TRHDE: variants seen among roughly 807,000 people sequenced by gnomAD.
The protein encoded by TRHDE is thyrotropin releasing hormone degrading enzyme.
TRHDE carries 72 observed loss-of-function variants against 125.7 expected under a neutral mutation model. The ratio of observed to expected loss-of-function variants is 0.57; its 90% CI spans 0.47 to 0.70. The LOEUF (loss-of-function observed/expected upper bound fraction) is 0.70. Ranked by LOEUF, TRHDE falls within the 30% of genes least tolerant of loss-of-function variation. TRHDE has a pLI of 0.00. For missense variants in TRHDE, 1,110 were observed against 1,327.1 expected, an observed-to-expected ratio of 0.84 and a Z score of 2.54; for synonymous variants, 509 against 509.1, an observed-to-expected ratio of 1.00 and a Z score of 0.00.
intron 3 of TRHDE, among the ~76,000 whole-genome samples, chr12:72,381,644 C>T (rs1333176896): frequency 6.6e-6 from 1 of 152,106 alleles, no homozygotes; most frequent in Non-Finnish European, 1.5e-5. Flanking sequence ...GATCCGCCCG[C>T]CTCGGCCTCC....
At chr12:72,279,602 T>G (rs977838975) in intron 1 of TRHDE, among the ~76,000 whole-genome samples, 2 of 152,216 alleles carry the variant, frequency 1.3e-5, no homozygotes, top group African/African-American at 4.8e-5. Context: ...CTTCCTGCTT[T>G]TTCCAGTTTC....
chr12:72,548,297 A>G (rs917850221), intron 7 of TRHDE, among the ~76,000 whole-genome samples: 9 of 151,736 alleles, frequency 5.9e-5, no homozygotes, highest in African/African-American at 2.2e-4. Flanking sequence ...CTTCTCCTAT[A>G]AATAAATATT....
chr12:72,244,921 A>G (rs1878546815), intron 2 of TRHDE, among the ~76,000 whole-genome samples: 1 of 152,134 alleles, frequency 6.6e-6, no homozygotes, highest in African/African-American at 2.4e-5. Context: ...AATACACAAA[A>G]AATTTACATC....
chr12:72,627,926 TC>T (rs1873329813), intron 15 of TRHDE, among the ~76,000 whole-genome samples: 1 of 151,686 alleles, frequency 6.6e-6, no homozygotes, highest in African/African-American at 2.4e-5. Flanking sequence ...CAAGCAATCC[TC>T]CTGCCTTAGT....
chr12:72,546,407 C>A (rs1333412516), intron 7 of TRHDE, among the ~76,000 whole-genome samples: 1 of 151,576 alleles, frequency 6.6e-6, no homozygotes, highest in Admixed American at 6.6e-5. Flanking sequence ...TTGTAATTCT[C>A]TATTCTGTTA....
intron 2 of TRHDE, among the ~76,000 whole-genome samples, chr12:72,238,793 T>C (rs544951889): frequency 5.9e-5 from 9 of 152,200 alleles, no homozygotes; most frequent in African/African-American, 1.2e-4. Flanking sequence ...AAGTCTATCA[T>C]TGATGGGCAT....
chr12:72,319,254 T>G (rs1372884758), intron 2 of TRHDE, among the ~76,000 whole-genome samples: 1 of 152,104 alleles, frequency 6.6e-6, no homozygotes, highest in African/African-American at 2.4e-5. Flanking sequence ...GCCAGCTGTT[T>G]AGGTGAAAAG....
chr12:72,482,735 A>G (rs1877229428), intron 5 of TRHDE, among the ~76,000 whole-genome samples: 2 of 151,980 alleles, frequency 1.3e-5, no homozygotes, highest in Admixed American at 1.3e-4. Flanking sequence ...AGACAAGTTT[A>G]GATCGATTGC....
intron 2 of TRHDE, among the ~76,000 whole-genome samples, chr12:72,303,406 T>G (rs935890183): frequency 7.2e-5 from 11 of 152,130 alleles, no homozygotes; most frequent in Non-Finnish European, 1.5e-4. Context: ...ACTGTTTTAC[T>G]GATGTTCATT....
intron 2 of TRHDE, among the ~76,000 whole-genome samples, chr12:72,339,050 T>C (rs1463550068): frequency 6.6e-6 from 1 of 152,176 alleles, no homozygotes; most frequent in Non-Finnish European, 1.5e-5. Context: ...ATGTGTTGAA[T>C]ATTGTGATTT....
At chr12:72,105,179 ACAAG>A (rs1875156427) in intron 1 of TRHDE, among the ~76,000 whole-genome samples, 1 of 152,198 alleles carries the variant, frequency 6.6e-6, no homozygotes, top group African/African-American at 2.4e-5. Context: ...CAGCAGCAGT[ACAAG>A]GAAGTACATG....
intron 3 of TRHDE, among the ~76,000 whole-genome samples, chr12:72,398,298 G>C (rs918067761): frequency 6.6e-6 from 1 of 152,032 alleles, no homozygotes; most frequent in Non-Finnish European, 1.5e-5. Context: ...AAACATACGT[G>C]TGCATGTGTC....
At chr12:72,559,888 C>G (rs545632439) in intron 7 of TRHDE, among the ~76,000 whole-genome samples, 1 of 152,280 alleles carries the variant, frequency 6.6e-6, no homozygotes, top group East Asian at 1.9e-4. Flanking sequence ...TCTCCCTACA[C>G]AAATCACATC....
At chr12:72,119,568 C>T (rs946334641) in intron 2 of TRHDE, among the ~76,000 whole-genome samples, 6 of 152,044 alleles carry the variant, frequency 3.9e-5, no homozygotes, top group South Asian at 2.1e-4. Context: ...TTTATAGTGC[C>T]GATTAAGTCC....
intron 3 of TRHDE, among the ~76,000 whole-genome samples, chr12:72,388,155 CCCTCAGCCT>C (rs1211296770): frequency 2.0e-5 from 3 of 152,160 alleles, no homozygotes; most frequent in African/African-American, 7.2e-5. Flanking sequence ...TCTTGTTCTT[CCCTCAGCCT>C]AAAACATTTT....
At chr12:72,239,891 C>A (rs986345118) in intron 2 of TRHDE, among the ~76,000 whole-genome samples, 1 of 152,060 alleles carries the variant, frequency 6.6e-6, no homozygotes, top group African/African-American at 2.4e-5. Context: ...AGAAAATGAA[C>A]TTTGTCTGTC....
chr12:72,282,606 C>G (rs969390693), intron 1 of TRHDE, among the ~76,000 whole-genome samples: 2 of 152,202 alleles, frequency 1.3e-5, no homozygotes, highest in Non-Finnish European at 2.9e-5. Flanking sequence ...ACTTGAAATA[C>G]TGAGATCTGA....
chr12:72,259,921 G>C (rs998009947), intron 2 of TRHDE, among the ~76,000 whole-genome samples: 1 of 152,178 alleles, frequency 6.6e-6, no homozygotes, highest in Admixed American at 6.6e-5. Flanking sequence ...GGCTATTTAG[G>C]CATCATGTAA....
intron 12 of TRHDE, among the ~76,000 whole-genome samples, chr12:72,594,502 GTT>G (rs11446527): frequency 4.4e-5 from 6 of 136,004 alleles, no homozygotes; most frequent in African/African-American, 8.0e-5. Flanking sequence ...ACAGATGTGA[GTT>G]TTTTTTTTTT....
Sources: allele counts gnomAD v4.1 joint callset (sites outside exome capture counted in the v4.1 genomes callset), GRCh38; gene constraint gnomAD v4.1.1; transcripts MANE v1.5; gene names NCBI Gene and HGNC (gene_info 2026-07-23, HGNC 2026-07-21).